BANK1: variants seen among roughly 807,000 people sequenced by gnomAD.
BANK1 encodes B cell scaffold protein with ankyrin repeats 1.
In BANK1, 95 loss-of-function variants were observed where a neutral mutation model predicts 94.5. That is an observed-to-expected ratio of 1.00 (90% CI 0.85 to 1.19). BANK1 has a LOEUF of 1.19. BANK1 is among the 50% of genes most tolerant of loss of function. The pLI is 0.00. For synonymous variants in BANK1, 334 were observed against 308.4 expected, an observed-to-expected ratio of 1.08 and a Z score of -0.87; for missense variants, 987 against 932.2, an observed-to-expected ratio of 1.06 and a Z score of -0.77.
chr4:101,850,281 T>G lies in BANK1; in HGVS notation c.470-4754T>G, dbSNP rs186525417. 6.7e-3 allele frequency among the ~76,000 whole-genome samples: 1,021 copies of G among 152,208 alleles called. 12 individuals are homozygous for G. The highest frequency in any genetic ancestry group is 0.023 in the African/African-American group (947 of 41,520). On this transcript the variant is annotated intron_variant, in intron 2 of 16. Coordinates refer to ENST00000322953, the MANE Select transcript of BANK1 (RefSeq NM_017935.5). Reference sequence around the variant, plus strand: ...TGTTTGTTTGTTTGGTTGGTTGGTTTGTTTTTTTGAGAGGGAGTCTTGCTT... The same window carrying G: ...TGTTTGTTTGTTTGGTTGGTTGGTTGGTTTTTTTGAGAGGGAGTCTTGCTT...
chr4:102,035,999 C>T (rs1219949484), intron 10 of BANK1, among the ~76,000 whole-genome samples: 1 of 152,162 alleles, frequency 6.6e-6, no homozygotes, highest in Admixed American at 6.5e-5. Flanking sequence ...AGTGAAACTA[C>T]GTCCATAAAT....
chr4:102,027,777 C>A (rs192433336), intron 9 of BANK1, among the ~76,000 whole-genome samples: 1 of 152,050 alleles, frequency 6.6e-6, no homozygotes, highest in African/African-American at 2.4e-5. Context: ...TACTATAGAG[C>A]ACTTTACAGT....
At chr4:102,053,378 A>C (rs1728119617) in intron 11 of BANK1, among the ~76,000 whole-genome samples, 2 of 152,144 alleles carry the variant, frequency 1.3e-5, no homozygotes, top group South Asian at 4.1e-4. Context: ...AAAAGTATTG[A>C]GCAAGTACTT....
intron 6 of BANK1, among the ~76,000 whole-genome samples, chr4:101,912,335 T>TTAAAAATATTTAA (rs1722690076): frequency 6.6e-6 from 1 of 152,102 alleles, no homozygotes; most frequent in African/African-American, 2.4e-5. Flanking sequence ...TCTTAAGGTT[T>TTAAAAATATTTAA]GAAAACTCAC....
intron 1 of BANK1, among the ~76,000 whole-genome samples, chr4:101,798,096 A>G (rs1341073401): frequency 6.6e-6 from 1 of 152,188 alleles, no homozygotes; most frequent in African/African-American, 2.4e-5. Context: ...AATTCTTTTG[A>G]TAGGTCAGGC....
At chr4:102,004,736 A>C (rs1726191417) in intron 7 of BANK1, among the ~76,000 whole-genome samples, 1 of 152,192 alleles carries the variant, frequency 6.6e-6, no homozygotes, top group African/African-American at 2.4e-5. Context: ...CTTTTGGCAC[A>C]TTAAGGGTCA....
intron 1 of BANK1, among the ~76,000 whole-genome samples, chr4:101,791,693 A>G (rs748404796): frequency 7.2e-5 from 11 of 152,252 alleles, no homozygotes; most frequent in Middle Eastern, 3.2e-3. Context: ...AAATGCAACA[A>G]GAAAGTATAT....
At chr4:101,857,603 T>C (rs1309670637) in intron 3 of BANK1, among the ~76,000 whole-genome samples, 2 of 152,228 alleles carry the variant, frequency 1.3e-5, no homozygotes, top group Non-Finnish European at 2.9e-5. Flanking sequence ...CTCTGCCTTG[T>C]CACTCTTCCT....
At chr4:101,950,181 A>G (rs1724101144) in intron 7 of BANK1, among the ~76,000 whole-genome samples, 2 of 152,160 alleles carry the variant, frequency 1.3e-5, no homozygotes, top group African/African-American at 4.8e-5. Context: ...GCTGAAGGAT[A>G]TGACTGGCTG....
chr4:102,062,742 T>C, intron 12 of BANK1: 1 of 236,376 alleles, frequency 4.2e-6, no homozygotes, highest in South Asian at 6.9e-5. Flanking sequence ...CCACAAGAAT[T>C]GGGTTGGCAA....
rs1728647214 is a variant in BANK1, at chr4:102,068,011, A to T, written c.2213-3264A>T. 2.6e-5 allele frequency among the ~76,000 whole-genome samples: 4 copies of T among 152,258 alleles called. No homozygotes were observed. The South Asian group carries it at 8.3e-4, about 32-fold the overall frequency. On this transcript the variant is annotated intron_variant, in intron 13 of 16. Transcript: ENST00000322953. ...CTTACCACAACAGAAGTAATTTAGAAATCAATTAAGAATTATATATCTAGA... is the reference window on the plus strand; with the variant it reads ...CTTACCACAACAGAAGTAATTTAGATATCAATTAAGAATTATATATCTAGA...
intron 2 of BANK1, among the ~76,000 whole-genome samples, chr4:101,850,846 A>G (rs993843607): frequency 5.3e-5 from 8 of 152,174 alleles, no homozygotes; most frequent in Non-Finnish European, 1.5e-5. Flanking sequence ...CCCATACAAG[A>G]CAGTGAATTT....
At chr4:102,011,052 T>TAACA (rs1235155613) in intron 7 of BANK1, among the ~76,000 whole-genome samples, 1 of 152,250 alleles carries the variant, frequency 6.6e-6, no homozygotes, top group African/African-American at 2.4e-5. Context: ...GAATTTTGTT[T>TAACA]TTAATTTAAA....
chr4:102,068,484 G>T (rs1728658885), intron 13 of BANK1, among the ~76,000 whole-genome samples: 1 of 152,046 alleles, frequency 6.6e-6, no homozygotes, highest in Non-Finnish European at 1.5e-5. Context: ...AATTAAATTG[G>T]GTTACTACAA....
At chr4:101,884,563 T>G (rs920668326) in intron 5 of BANK1, among the ~76,000 whole-genome samples, 6 of 152,198 alleles carry the variant, frequency 3.9e-5, no homozygotes, top group African/African-American at 1.4e-4. Flanking sequence ...TCTTAAGATA[T>G]ATTTCAAATG....
At chr4:101,836,444 C>T (rs1025067433) in intron 2 of BANK1, among the ~76,000 whole-genome samples, 4 of 152,190 alleles carry the variant, frequency 2.6e-5, no homozygotes, top group Admixed American at 2.6e-4. Context: ...GGTGCCACTG[C>T]ACTCCAACCT....
chr4:102,051,923 T>C (rs572767066), intron 11 of BANK1, among the ~76,000 whole-genome samples: 5 of 152,104 alleles, frequency 3.3e-5, no homozygotes, highest in Non-Finnish European at 5.9e-5. Flanking sequence ...CAGGGAATCA[T>C]GTCCCGCCTC....
intron 5 of BANK1, among the ~76,000 whole-genome samples, chr4:101,881,874 T>C (rs946737289): frequency 1.3e-5 from 2 of 151,896 alleles, no homozygotes; most frequent in African/African-American, 4.8e-5. Context: ...GTCAAAACAA[T>C]TGAACTCATG....
intron 10 of BANK1, among the ~76,000 whole-genome samples, chr4:102,038,419 T>C (rs776276277): frequency 5.3e-5 from 8 of 152,178 alleles, no homozygotes; most frequent in Non-Finnish European, 8.8e-5. Flanking sequence ...TAGAGTTATG[T>C]CCATACTTAT....
Sources: allele counts gnomAD v4.1 joint callset (sites outside exome capture counted in the v4.1 genomes callset), GRCh38; gene constraint gnomAD v4.1.1; transcripts MANE v1.5; gene names NCBI Gene and HGNC (gene_info 2026-07-23, HGNC 2026-07-21).